PIBF1: variants seen among roughly 807,000 people sequenced by gnomAD.
The protein encoded by PIBF1 is progesterone-induced-blocking factor 1.
In PIBF1, 90 loss-of-function variants were observed where a neutral mutation model predicts 112.5. That is an observed-to-expected ratio of 0.80 (90% CI 0.67 to 0.95). PIBF1 has a LOEUF of 0.95. Ranked by LOEUF, PIBF1 falls within the 40% of genes least tolerant of loss-of-function variation. The pLI, the probability that PIBF1 is intolerant of heterozygous loss-of-function variation, is 0.00. For synonymous variants in PIBF1, 301 were observed against 288.6 expected (o/e 1.04, Z -0.44); for missense variants, 915 against 852.3 (o/e 1.07, Z -0.92).
intron 8 of PIBF1, among the ~76,000 whole-genome samples, chr13:72,830,375 C>A (rs766444307): frequency 6.6e-6 from 1 of 152,122 alleles, no homozygotes; most frequent in South Asian, 2.1e-4. Context: ...GGAACGCTTC[C>A]AGTTTTTGCC....
At position 72,893,595 on chromosome 13, in the gene PIBF1, A is replaced by G. The variant is rs1010708521; in HGVS notation, c.1323-189A>G. Among the ~76,000 whole-genome samples, 3 of 152,152 alleles carry G rather than the reference A, an allele frequency of 2.0e-5. No individual in the cohort carries two copies. In the South Asian group the frequency reaches 6.2e-4, roughly 31 times the overall value. ...GGTAGAATGGTGAAAGTTAATTGAT[A>G]TGTTCACTGTAATTACTTATTTTCA... On this transcript the variant is annotated intron_variant, in intron 10 of 17. Coordinates refer to ENST00000326291, the MANE Select transcript of PIBF1 (RefSeq NM_006346.4).
chr13:72,905,769 C>G (rs1306791490), intron 11 of PIBF1, among the ~76,000 whole-genome samples: 1 of 152,084 alleles, frequency 6.6e-6, no homozygotes, highest in Non-Finnish European at 1.5e-5. Context: ...GACCTGTCAA[C>G]TTGGTCTCTG....
intron 11 of PIBF1, among the ~76,000 whole-genome samples, chr13:72,897,386 A>T (rs370688744): frequency 6.6e-6 from 1 of 152,208 alleles, no homozygotes; most frequent in Admixed American, 6.5e-5. Context: ...AAACAAAAAT[A>T]CAAGTTAAAA....
intron 9 of PIBF1, among the ~76,000 whole-genome samples, chr13:72,845,651 G>T (rs922322538): frequency 1.3e-5 from 2 of 152,074 alleles, no homozygotes; most frequent in Non-Finnish European, 2.9e-5. Context: ...AAGCATTCCT[G>T]CTTCTCACCA....
rs1361576254 is a variant in PIBF1 at position 72,832,071 on chromosome 13, CCTTTTTTTTTTTTTTTTTTTT to C, written c.1098-3171_1098-3151del. On this transcript the variant is annotated intron_variant, in intron 8 of 17. Transcript: ENST00000326291. ...TCAGAGATTAGAATTGCAATTCCGGCCTTTTTTTTTTTTTTTTTTTTTTTTTTTTTTGCTTTCCATTTGGTT... is the reference window on the plus strand; with the variant it reads ...TCAGAGATTAGAATTGCAATTCCGGCTTTTTTTTTTGCTTTCCATTTGGTT... Among the ~76,000 whole-genome samples, 9 of 59,490 alleles carry C rather than the reference CCTTTTTTTTTTTTTTTTTTTT, an allele frequency of 1.5e-4. No homozygotes were observed. In the East Asian group the frequency reaches 5.5e-3, roughly 36 times the overall value. The allele number at this position is 59,490 out of a possible 152,430, so 39.0% of individuals were successfully genotyped here. A position where few individuals can be genotyped will look rare whatever the true frequency, so the allele number is the denominator to read the frequency against.
At chr13:72,874,261 G>A (rs2039298210) in intron 10 of PIBF1, among the ~76,000 whole-genome samples, 1 of 152,064 alleles carries the variant, frequency 6.6e-6, no homozygotes, top group African/African-American at 2.4e-5. Flanking sequence ...ATTTACTCAA[G>A]AGAAATGAAA....
chr13:72,851,246 C>T (rs1273288604), intron 9 of PIBF1, among the ~76,000 whole-genome samples: 2 of 152,196 alleles, frequency 1.3e-5, no homozygotes, highest in Admixed American at 6.5e-5. Flanking sequence ...GTCGCAGCTG[C>T]GGACCCAGGC....
chr13:72,933,523 A>G (rs150553546), intron 14 of PIBF1, among the ~76,000 whole-genome samples: 1,806 of 152,300 alleles, frequency 0.012, 21 homozygotes, highest in Non-Finnish European at 0.02. Context: ...TTAGCTGGGC[A>G]TGATGGCACA....
intron 3 of PIBF1, among the ~76,000 whole-genome samples, chr13:72,795,128 A>G (rs2035127046): frequency 6.6e-6 from 1 of 152,226 alleles, no homozygotes; most frequent in East Asian, 1.9e-4. Flanking sequence ...CTTTAAGAAT[A>G]TCAATTCTCT....
chr13:72,874,619 G>A (rs987049614), intron 10 of PIBF1, among the ~76,000 whole-genome samples: 14 of 152,144 alleles, frequency 9.2e-5, no homozygotes, highest in African/African-American at 3.1e-4. Flanking sequence ...AGAGTTTTTG[G>A]GAGTGATGGG....
chr13:72,903,165 C>T (rs1312007034), intron 11 of PIBF1, among the ~76,000 whole-genome samples: 2 of 152,118 alleles, frequency 1.3e-5, no homozygotes, highest in East Asian at 3.9e-4. Flanking sequence ...TCCCAAAGTG[C>T]TAGGATTACA....
chr13:72,789,274 T>G (rs2034769736), intron 2 of PIBF1, among the ~76,000 whole-genome samples: 1 of 152,226 alleles, frequency 6.6e-6, no homozygotes, highest in South Asian at 2.1e-4. Context: ...AGCCTCAAAT[T>G]ACTGGGCTCA....
At chr13:72,787,990 C>T (rs1288556388) in intron 2 of PIBF1, among the ~76,000 whole-genome samples, 1 of 152,168 alleles carries the variant, frequency 6.6e-6, no homozygotes, top group Non-Finnish European at 1.5e-5. Flanking sequence ...AAACTTAAAG[C>T]CTAGGTCTTG....
chr13:72,998,561 T>A lies in PIBF1; in HGVS notation c.2050-261T>A, dbSNP rs2043755480. ...TGGGACACAGTCATCACTGGCAATATTTGAAGCTCCACAGGTGATTTCAGT... is the reference window on the plus strand; with the variant it reads ...TGGGACACAGTCATCACTGGCAATAATTGAAGCTCCACAGGTGATTTCAGT... On this transcript the variant is annotated intron_variant, in intron 16 of 17. Transcript: ENST00000326291. Among the ~76,000 whole-genome samples the A allele has an allele frequency of 3.3e-5, 5 of 152,272 alleles. No individual in the cohort carries two copies. In the South Asian group the frequency reaches 1.0e-3, roughly 32 times the overall value.
At chr13:72,920,957 C>T (rs991661486) in intron 13 of PIBF1, among the ~76,000 whole-genome samples, 3 of 152,152 alleles carry the variant, frequency 2.0e-5, no homozygotes, top group African/African-American at 7.2e-5. Flanking sequence ...TATTTTCCAA[C>T]TACTACACAA....
At chr13:72,906,464 T>C (rs1226402401) in intron 11 of PIBF1, among the ~76,000 whole-genome samples, 1 of 152,132 alleles carries the variant, frequency 6.6e-6, no homozygotes, top group African/African-American at 2.4e-5. Flanking sequence ...TGTATTGATT[T>C]TTATTAAAAC....
intron 9 of PIBF1, among the ~76,000 whole-genome samples, chr13:72,841,548 A>G (rs1367856948): frequency 6.6e-6 from 1 of 152,114 alleles, no homozygotes; most frequent in African/African-American, 2.4e-5. Flanking sequence ...AGGCAGATGG[A>G]TTGCTTAAGT....
rs115602047 is a variant in PIBF1 at position 72,846,931 on chromosome 13, G to A, written c.1224-7126G>A. ...TATACGTAATATTTATTGAATGAAA[G>A]AATGAATTGGTACTACTTTTTAGAA... On this transcript the variant is annotated intron_variant, in intron 9 of 17. Transcript: ENST00000326291. 7.7e-3 allele frequency among the ~76,000 whole-genome samples: 1,178 copies of A among 152,240 alleles called. 14 individuals carry two copies. Among genetic ancestry groups the A allele is most frequent in the African/African-American group, 0.027 (1,109 of 41,544 alleles).
chr13:72,916,133 A>G (rs1225898791), intron 12 of PIBF1, among the ~76,000 whole-genome samples: 1 of 151,960 alleles, frequency 6.6e-6, no homozygotes, highest in Non-Finnish European at 1.5e-5. Flanking sequence ...TCACACGTGT[A>G]ATCCCAGCAC....
Sources: gnomAD v4.1 joint callset for allele counts (sites outside exome capture counted in the v4.1 genomes callset) on GRCh38, gnomAD v4.1.1 for gene constraint, MANE v1.5 for transcripts, NCBI Gene and HGNC (gene_info 2026-07-23, HGNC 2026-07-21) for gene names.